The following FBXL2 variants were observed in gnomAD, a reference collection of about 807,000 sequenced individuals.
FBXL2 encodes the protein F-box/LRR-repeat protein 2.
FBXL2 carries 38 observed loss-of-function variants against 69.2 expected under a neutral mutation model. That is an observed-to-expected ratio of 0.55 (90% CI 0.42 to 0.72). FBXL2 has a LOEUF of 0.72. FBXL2 is among the 30% of genes least tolerant of loss of function. The pLI is 0.00. For missense variants in FBXL2, 354 were observed against 520.3 expected (o/e 0.68, Z 3.11); for synonymous variants, 192 against 201.3 (o/e 0.95, Z 0.39).
At chr3:33,390,008 A>G (rs1054348587), downstream of FBXL2, 1 of 298,050 alleles carries the variant, frequency 3.4e-6, no homozygotes, top group African/African-American at 2.1e-5. Context: ...AACCGCATAC[A>G]GTGTAAAAAG....
At chr3:33,380,746 C>T (rs1402726316) in intron 13 of FBXL2, among the ~76,000 whole-genome samples, 1 of 152,130 alleles carries the variant, frequency 6.6e-6, no homozygotes, top group African/African-American at 2.4e-5. Flanking sequence ...CACACCACAT[C>T]CATGGGAGCA....
intron 2 of FBXL2, among the ~76,000 whole-genome samples, chr3:33,338,921 C>G (rs2039793660): frequency 6.6e-6 from 1 of 152,056 alleles, no homozygotes; most frequent in African/African-American, 2.4e-5. Context: ...CAAAAATTGA[C>G]CAGTGGGACC....
At chr3:33,379,026 G>C (rs1469213024) in intron 13 of FBXL2, among the ~76,000 whole-genome samples, 1 of 137,926 alleles carries the variant, frequency 7.3e-6, no homozygotes, top group South Asian at 2.3e-4. Flanking sequence ...TTTTTTTTTT[G>C]AAACAGGGTC....
downstream of FBXL2, among the ~76,000 whole-genome samples, chr3:33,405,176 AAAAT>A (rs1335816078): frequency 1.1e-4 from 17 of 152,310 alleles, no homozygotes; most frequent in East Asian, 3.9e-4. Flanking sequence ...ATAAAAAATA[AAAAT>A]AAATAAGAAA....
chr3:33,390,235 T>C, downstream of FBXL2: 1 of 1,247,754 alleles, frequency 8.0e-7, no homozygotes. Context: ...ACATTTCATA[T>C]GGTAAAATCC....
intron 12 of FBXL2, among the ~76,000 whole-genome samples, chr3:33,401,584 G>C (rs1362964741): frequency 6.6e-6 from 1 of 152,150 alleles, no homozygotes; most frequent in African/African-American, 2.4e-5. Flanking sequence ...CAGGGAATAG[G>C]GCTACCTTCT....
intron 2 of FBXL2, among the ~76,000 whole-genome samples, chr3:33,337,417 G>A (rs557553556): frequency 6.6e-6 from 1 of 152,136 alleles, no homozygotes; most frequent in Non-Finnish European, 1.5e-5. Flanking sequence ...TTGTAGCAGG[G>A]AAATACATTT....
intron 13 of FBXL2, among the ~76,000 whole-genome samples, chr3:33,379,381 G>A (rs560677421): frequency 2.5e-4 from 38 of 152,140 alleles, no homozygotes; most frequent in African/African-American, 8.7e-4. Flanking sequence ...TTGAGACAGA[G>A]TCTTGCTCTG....
downstream of FBXL2, chr3:33,392,950 T>G (rs1156633144): frequency 9.3e-6 from 3 of 321,786 alleles, no homozygotes. Flanking sequence ...GGGGAAAAAT[T>G]ATATATCTTA....
At chr3:33,384,245 G>C (rs745984617) in intron 14 of FBXL2, 44 bp downstream of exon 14, 1 of 1,577,496 alleles carries the variant, frequency 6.3e-7, no homozygotes, top group Non-Finnish European at 8.7e-7. Context: ...ACATTTCTAA[G>C]CACCAAAGGA....
the FBXL2 span, chr3:33,411,680 T>C: frequency 2.5e-6 from 4 of 1,613,040 alleles, no homozygotes; most frequent in South Asian, 3.3e-5. Flanking sequence ...CCACAGACAT[T>C]GGAATATCTA....
intron 2 of FBXL2, among the ~76,000 whole-genome samples, chr3:33,330,395 A>T (rs995610155): frequency 3.9e-5 from 6 of 152,206 alleles, no homozygotes; most frequent in African/African-American, 1.4e-4. Flanking sequence ...ATGGGTACAA[A>T]TATACAGTTA....
intron 2 of FBXL2, among the ~76,000 whole-genome samples, chr3:33,309,359 A>G (rs930138999): frequency 6.6e-6 from 1 of 152,326 alleles, no homozygotes. Flanking sequence ...TTGTCATTAT[A>G]TAATCACTTT....
At chr3:33,396,100 T>C in intron 12 of FBXL2, 1 of 1,417,870 alleles carries the variant, frequency 7.1e-7, no homozygotes, top group Admixed American at 1.8e-5. Context: ...CTCAATCGAG[T>C]CCTTTCCGTT....
the FBXL2 span, chr3:33,416,927 T>C: frequency 9.4e-7 from 1 of 1,068,704 alleles, no homozygotes; most frequent in Non-Finnish European, 1.4e-6. Flanking sequence ...AGAACATACA[T>C]TACACAATGA....
intron 12 of FBXL2, among the ~76,000 whole-genome samples, chr3:33,401,629 T>C (rs1010188942): frequency 1.3e-5 from 2 of 152,224 alleles, no homozygotes; most frequent in Admixed American, 1.3e-4. Context: ...TTAGCCCCCG[T>C]GCCTCAATTG....
chr3:33,284,930 A>G (rs1009477507), intron 1 of FBXL2, among the ~76,000 whole-genome samples: 5 of 152,052 alleles, frequency 3.3e-5, no homozygotes, highest in African/African-American at 1.2e-4. Flanking sequence ...TTTTGAGCCT[A>G]TGTGTGTCTC....
intron 2 of FBXL2, among the ~76,000 whole-genome samples, chr3:33,347,257 A>G (rs2040513100): frequency 1.3e-5 from 2 of 152,244 alleles, no homozygotes; most frequent in African/African-American, 4.8e-5. Flanking sequence ...TTCACTTGAC[A>G]TAATGACCCC....
At chr3:33,416,583 T>G in the FBXL2 span, among the ~76,000 whole-genome samples, 5,076 of 152,330 alleles carry the variant, frequency 0.033, 126 homozygotes, top group Non-Finnish European at 0.053. Context: ...CTTTCAAAAT[T>G]ACTCTACCCA....
Sources: allele counts gnomAD v4.1 joint callset (sites outside exome capture counted in the v4.1 genomes callset), GRCh38; gene constraint gnomAD v4.1.1; transcripts MANE v1.5; gene names NCBI Gene and HGNC (gene_info 2026-07-23, HGNC 2026-07-21).